PCDHA10: variants seen among roughly 807,000 people sequenced by gnomAD.
PCDHA10 encodes protocadherin alpha-10.
PCDHA10 carries 45 observed loss-of-function variants against 61.2 expected under a neutral mutation model. The observed-to-expected ratio is 0.74, with a 90% CI of 0.58 to 0.94. The LOEUF is 0.94. PCDHA10 is among the 40% of genes least tolerant of loss of function. The pLI, the probability that PCDHA10 is intolerant of heterozygous loss-of-function variation, is 0.00. For missense variants in PCDHA10, 1,278 were observed against 1,236.2 expected, an observed-to-expected ratio of 1.03 and a Z score of -0.51; for synonymous variants, 602 against 548.8, an observed-to-expected ratio of 1.10 and a Z score of -1.35.
rs1554205452 is a variant in PCDHA10 at position 140,928,080 on chromosome 5, C to T, written c.2389-50869C>T. ...CGGCTTCCTTTGACAACTACTACAG[C>T]CTGCTGATTGATGGGCCCCTGGACC... On this transcript the variant is annotated intron_variant, in intron 1 of 3. Transcript: ENST00000307360. The T allele has an allele frequency of 2.5e-6, 4 of 1,614,072 alleles. No homozygotes were observed. The African/African-American group carries it at 4.0e-5, about 16-fold the overall frequency.
intron 1 of PCDHA10, chr5:140,883,909 C>T: frequency 6.2e-7 from 1 of 1,613,472 alleles, no homozygotes; most frequent in Non-Finnish European, 8.5e-7. Flanking sequence ...CTCTGGGCAG[C>T]AACGTGACGC....
intron 1 of PCDHA10, chr5:140,967,383 T>A: frequency 6.2e-7 from 1 of 1,608,702 alleles, no homozygotes; most frequent in Non-Finnish European, 8.5e-7. Flanking sequence ...AACAGTAAAG[T>A]GCTTGAGCTG....
intron 1 of PCDHA10, among the ~76,000 whole-genome samples, chr5:140,895,873 G>A (rs112324080): frequency 0.13 from 19,058 of 152,088 alleles, 1,272 homozygotes; most frequent in Middle Eastern, 0.19. Context: ...GTGCAATGGC[G>A]CGATCTCGGC....
At chr5:140,916,967 G>T (rs1215722713) in intron 1 of PCDHA10, among the ~76,000 whole-genome samples, 1 of 152,194 alleles carries the variant, frequency 6.6e-6, no homozygotes, top group African/African-American at 2.4e-5. Flanking sequence ...TGACTGCTGG[G>T]ATGAGTGATT....
intron 1 of PCDHA10, among the ~76,000 whole-genome samples, chr5:140,956,034 A>C (rs1274584028): frequency 1.3e-5 from 2 of 152,200 alleles, no homozygotes; most frequent in Non-Finnish European, 2.9e-5. Flanking sequence ...TTATCAGCTT[A>C]AGAAGCTTTT....
chr5:140,868,662 A>G (rs2050574102), intron 1 of PCDHA10: 1 of 163,768 alleles, frequency 6.1e-6, no homozygotes, highest in South Asian at 1.6e-4. Context: ...AGTATTTTAG[A>G]TAAGTAAAAG....
chr5:140,966,990 G>A, intron 1 of PCDHA10: 1 of 1,604,280 alleles, frequency 6.2e-7, no homozygotes, highest in Non-Finnish European at 8.5e-7. Context: ...TTGGGGCCGG[G>A]TTGCTTGCGC....
chr5:140,866,321 C>A (rs1282592787), intron 1 of PCDHA10: 1 of 152,000 alleles, frequency 6.6e-6, no homozygotes, highest in Non-Finnish European at 1.5e-5. Flanking sequence ...TTTCAGGGAC[C>A]CTGAACTTGG....
chr5:140,874,040 T>G (rs1303509988), intron 1 of PCDHA10, among the ~76,000 whole-genome samples: 7 of 152,220 alleles, frequency 4.6e-5, no homozygotes, highest in Admixed American at 4.6e-4. Flanking sequence ...AGAAACTTGG[T>G]GATGATATTA....
intron 1 of PCDHA10, among the ~76,000 whole-genome samples, chr5:140,893,669 C>T (rs1204530639): frequency 6.6e-6 from 1 of 152,158 alleles, no homozygotes; most frequent in African/African-American, 2.4e-5. Flanking sequence ...AAAATTTCAG[C>T]ACTTTGGATA....
At chr5:140,938,805 A>G (rs367644327) in intron 1 of PCDHA10, among the ~76,000 whole-genome samples, 3 of 152,162 alleles carry the variant, frequency 2.0e-5, no homozygotes, top group East Asian at 3.9e-4. Context: ...TCGGTACCAC[A>G]AACCCCTGTG....
chr5:141,000,422 T>TATATA (rs1491457105), intron 3 of PCDHA10, among the ~76,000 whole-genome samples: 1 of 51,852 alleles, frequency 1.9e-5, no homozygotes, highest in Non-Finnish European at 3.5e-5. Flanking sequence ...TATATATATA[T>TATATA]TTTTTTTTTT....
At chr5:140,967,511 G>T (rs1402187059) in intron 1 of PCDHA10, 2 of 1,612,876 alleles carry the variant, frequency 1.2e-6, no homozygotes, top group Non-Finnish European at 8.5e-7. Flanking sequence ...GCGTGTCCTG[G>T]ACACTAACGA....
intron 1 of PCDHA10, among the ~76,000 whole-genome samples, chr5:140,948,380 C>T (rs1554218531): frequency 2.6e-5 from 4 of 151,612 alleles, no homozygotes; most frequent in African/African-American, 4.8e-5. Flanking sequence ...GTTCCTTCCT[C>T]TATTTTCTGA....
chr5:140,926,325 T>C (rs1441503834), intron 1 of PCDHA10: 1 of 151,866 alleles, frequency 6.6e-6, no homozygotes, highest in African/African-American at 2.4e-5. Flanking sequence ...TGCGCCGGGG[T>C]CAGAGCGCCG....
intron 1 of PCDHA10, chr5:140,870,054 T>G (rs895309313): frequency 1.2e-6 from 2 of 1,613,676 alleles, no homozygotes; most frequent in Non-Finnish European, 8.5e-7. Context: ...TTTATAAAAT[T>G]GAAGTACAGG....
chr5:140,961,247 C>T (rs527974851), intron 1 of PCDHA10, among the ~76,000 whole-genome samples: 6 of 152,070 alleles, frequency 3.9e-5, no homozygotes, highest in East Asian at 1.9e-4. Flanking sequence ...GGAATTTATC[C>T]GAAGCTCCAG....
At chr5:140,924,725 C>G (rs1015635507) in intron 1 of PCDHA10, among the ~76,000 whole-genome samples, 1 of 151,698 alleles carries the variant, frequency 6.6e-6, no homozygotes, top group East Asian at 1.9e-4. Context: ...CGAAACCTCA[C>G]CTCTAATAAA....
chr5:140,877,888 C>T (rs1554170207), intron 1 of PCDHA10: 3 of 1,458,570 alleles, frequency 2.1e-6, no homozygotes, highest in South Asian at 1.5e-5. Flanking sequence ...GAAGAACTTC[C>T]GTTTAGGTTA....
Sources: allele counts gnomAD v4.1 joint callset (sites outside exome capture counted in the v4.1 genomes callset), GRCh38; gene constraint gnomAD v4.1.1; transcripts MANE v1.5; gene names NCBI Gene and HGNC (gene_info 2026-07-23, HGNC 2026-07-21).